KBTBD11: variants seen among roughly 807,000 people sequenced by gnomAD.
The protein encoded by KBTBD11 is kelch repeat and BTB domain containing 11, also known as kelch repeat and BTB domain-containing protein 11.
For synonymous variants in KBTBD11, 747 were observed against 499.0 expected (o/e 1.50, Z -6.63); for missense variants, 1,390 against 1,001.8 (o/e 1.39, Z -5.23).
At chr8:1,990,464 G>A (rs1202950340) in intron 1 of KBTBD11, among the ~76,000 whole-genome samples, 1 of 118,170 alleles carries the variant, frequency 8.5e-6, no homozygotes, top group African/African-American at 3.3e-5. Flanking sequence ...CGCCCTGTCC[G>A]GGTAGATGCT....
intron 1 of KBTBD11, among the ~76,000 whole-genome samples, chr8:1,995,165 T>C (rs1585748776): frequency 1.3e-5 from 2 of 152,178 alleles, no homozygotes; most frequent in South Asian, 2.1e-4. Context: ...CATTTACTTA[T>C]TCAGTTACTC....
At chr8:2,000,249 A>C (rs1347425789) in intron 1 of KBTBD11, 36 bp from the exon 2 acceptor site, 1 of 152,174 alleles carries the variant, frequency 6.6e-6, no homozygotes, top group East Asian at 1.9e-4. Flanking sequence ...TTACTGAAAA[A>C]CGCACAAATA....
chr8:1,991,123 C>T (rs910542566), intron 1 of KBTBD11, among the ~76,000 whole-genome samples: 1 of 151,754 alleles, frequency 6.6e-6, no homozygotes, highest in South Asian at 2.1e-4. Flanking sequence ...GCGCCCTGTC[C>T]GGGTAGATGC....
At chr8:1,974,600 G>T in intron 1 of KBTBD11, 1 of 984,872 alleles carries the variant, frequency 1.0e-6, no homozygotes, top group Non-Finnish European at 1.2e-6. Context: ...CGAGCACCGC[G>T]ACCCACCCGC....
intron 1 of KBTBD11, among the ~76,000 whole-genome samples, chr8:1,986,646 C>T (rs77828847): frequency 0.015 from 2,347 of 152,270 alleles, 55 homozygotes; most frequent in African/African-American, 0.05. Flanking sequence ...TGGTGATTAA[C>T]TGTACTTAGG....
chr8:1,984,321 C>T (rs1413763216), intron 1 of KBTBD11, among the ~76,000 whole-genome samples: 1 of 130,076 alleles, frequency 7.7e-6, no homozygotes. Context: ...CAGAGTCTTG[C>T]ACTTTCACCC....
At chr8:1,979,274 A>G (rs1360567061) in intron 1 of KBTBD11, among the ~76,000 whole-genome samples, 1 of 152,192 alleles carries the variant, frequency 6.6e-6, no homozygotes, top group Non-Finnish European at 1.5e-5. Context: ...GCCCACCCAT[A>G]TTGTGAATAG....
Position 1,974,043 on chromosome 8 carries a change from G to C in KBTBD11, c.-909+108G>C, listed in dbSNP as rs1276311914. On this transcript the variant is annotated intron_variant, in intron 1 of 1. Coordinates refer to ENST00000320248, the MANE Select transcript of KBTBD11 (RefSeq NM_014867.3). ...CGGGTGGGAGGTGGTCGGCGAGAGC[G>C]GCAGTAGGCGGGAGGGGAGAAAAGG... 1.6e-5 allele frequency: 15 copies of C among 923,420 alleles called. No homozygotes were observed. The South Asian group carries it at 4.4e-4, about 27-fold the overall frequency. The allele number at this position is 923,420 out of a possible 1,614,324, so 57.2% of individuals were successfully genotyped here. A position where few individuals can be genotyped will look rare whatever the true frequency, so the allele number is the denominator to read the frequency against.
intron 1 of KBTBD11, among the ~76,000 whole-genome samples, chr8:1,987,245 T>C (rs1048445437): frequency 6.6e-6 from 1 of 152,170 alleles, no homozygotes; most frequent in African/African-American, 2.4e-5. Flanking sequence ...AATAGAATTA[T>C]CCAGTATCTT....
At chr8:1,988,955 C>T (rs1000672897) in intron 1 of KBTBD11, among the ~76,000 whole-genome samples, 6 of 151,956 alleles carry the variant, frequency 3.9e-5, no homozygotes, top group African/African-American at 9.7e-5. Flanking sequence ...CTCTCATTTC[C>T]GATTCCAGCT....
intron 1 of KBTBD11, chr8:1,974,561 G>T (rs1040363022): frequency 5.1e-6 from 5 of 985,042 alleles, no homozygotes; most frequent in South Asian, 4.7e-5. Context: ...GGGTGCGGGG[G>T]TGTCCTGGCT....
chr8:1,993,787 T>C (rs1263204514), intron 1 of KBTBD11, among the ~76,000 whole-genome samples: 1 of 151,874 alleles, frequency 6.6e-6, no homozygotes, highest in African/African-American at 2.4e-5. Flanking sequence ...GGAAGTCTTA[T>C]TAGAGAATGC....
chr8:1,998,650 T>G (rs1817231241), intron 1 of KBTBD11, among the ~76,000 whole-genome samples: 1 of 152,194 alleles, frequency 6.6e-6, no homozygotes, highest in Non-Finnish European at 1.5e-5. Context: ...GGGCTATGTC[T>G]TCTGTATCTT....
chr8:2,002,374 C>G lies in KBTBD11; in HGVS notation c.1182C>G (p.Ala394=). The part of the protein sequence containing the change: ...CYNPATDSWS[A]VRPLRQARSQ... ...ACCCGGCCACGGACAGCTGGAGCGCCGTGAGGCCCCTGCGCCAGGCGCGCT... is the reference window on the plus strand; with the variant it reads ...ACCCGGCCACGGACAGCTGGAGCGCGGTGAGGCCCCTGCGCCAGGCGCGCT... Residue 394 remains alanine (A), a synonymous_variant, in exon 2 of 2, where the codon GCC becomes GCG. Coordinates refer to ENST00000320248, the MANE Select transcript of KBTBD11 (RefSeq NM_014867.3). The surrounding 1 kb of genome is among the most constrained non-coding windows in gnomAD (Gnocchi z 4.1). 1 of 1,477,894 alleles carries G rather than the reference C, an allele frequency of 6.8e-7. No homozygotes were observed. Among genetic ancestry groups the G allele is most frequent in the South Asian group, 1.3e-5 (1 of 79,240 alleles). 91.5% of individuals were successfully genotyped at this position (1,477,894 alleles called of 1,614,324 possible).
chr8:1,984,903 G>T (rs1205083139), intron 1 of KBTBD11, among the ~76,000 whole-genome samples: 1 of 152,182 alleles, frequency 6.6e-6, no homozygotes, highest in Non-Finnish European at 1.5e-5. Flanking sequence ...ATCTGAAAGG[G>T]TCTCTGTTTG....
At chr8:1,988,530 C>G (rs2129311868) in intron 1 of KBTBD11, among the ~76,000 whole-genome samples, 1 of 152,290 alleles carries the variant, frequency 6.6e-6, no homozygotes, top group East Asian at 1.9e-4. Flanking sequence ...TAAATGTCTT[C>G]TTTTGAGAAG....
rs541475533 is a variant in KBTBD11 at position 2,001,753 on chromosome 8, C to G, written c.561C>G (p.Leu187=). 50 of 1,321,138 alleles carry G rather than the reference C, an allele frequency of 3.8e-5. No individual in the cohort carries two copies. Among genetic ancestry groups the G allele is most frequent in the Middle Eastern group, 2.9e-4 (1 of 3,480 alleles). The allele number at this position is 1,321,138 out of a possible 1,614,324, so 81.8% of individuals were successfully genotyped here. Residue 187 remains leucine (L), a synonymous_variant, in exon 2 of 2, where the codon CTC becomes CTG. Transcript: ENST00000320248. ...QGVSLTALRL[L]LADAYSGRMA... ...TGAGCCTGACGGCGCTGCGGCTGCTCCTCGCCGACGCCTACAGCGGGCGCA... is the reference window on the plus strand; with the variant it reads ...TGAGCCTGACGGCGCTGCGGCTGCTGCTCGCCGACGCCTACAGCGGGCGCA...
chr8:1,987,071 T>TA (rs1816729655), intron 1 of KBTBD11, among the ~76,000 whole-genome samples: 2 of 146,432 alleles, frequency 1.4e-5, no homozygotes, highest in South Asian at 2.1e-4. Context: ...ACCTGAATGA[T>TA]ACGGTCTATG....
At position 2,001,838 on chromosome 8, in the gene KBTBD11, C is replaced by G; in HGVS notation, c.646C>G (p.Leu216Val). The change falls in exon 2 of 2, where the codon CTG becomes GTG. Residue 216 changes from leucine to valine, a missense_variant. Coordinates refer to ENST00000320248, the MANE Select transcript of KBTBD11 (RefSeq NM_014867.3). Reference sequence around the variant, plus strand: ...GGTGGCCGGCGCGCGCCGCCTGCAGCTGCCCGGCGCCGCGCAGCGCGCCAC... The same window carrying G: ...GGTGGCCGGCGCGCGCCGCCTGCAGGTGCCCGGCGCCGCGCAGCGCGCCAC... ...EVVAGARRLQ[L>V]PGAAQRATDA... is the part of the protein sequence containing the mutation. The G allele has an allele frequency of 8.2e-7, 1 of 1,213,576 alleles. No homozygotes were observed. Among genetic ancestry groups the G allele is most frequent in the Non-Finnish European group, 1.0e-6 (1 of 979,322 alleles). The allele number at this position is 1,213,576 out of a possible 1,614,324, so 75.2% of individuals were successfully genotyped here. A position where few individuals can be genotyped will look rare whatever the true frequency, so the allele number is the denominator to read the frequency against.
Sources: allele counts gnomAD v4.1 joint callset (sites outside exome capture counted in the v4.1 genomes callset), GRCh38; gene constraint gnomAD v4.1.1; non-coding constraint Gnocchi (gnomAD v3.1); transcripts MANE v1.5; gene names NCBI Gene and HGNC (gene_info 2026-07-23, HGNC 2026-07-21).